Variants in ZFHX3 observed in about 807,000 individuals in gnomAD.
The protein encoded by ZFHX3 is zinc finger homeobox protein 3.
A neutral mutation model predicts 279.1 loss-of-function variants in ZFHX3; 42 were observed. The ratio of observed to expected loss-of-function variants is 0.15; its 90% confidence interval spans 0.12 to 0.19. ZFHX3 has a LOEUF of 0.19. Ranked by LOEUF, ZFHX3 falls within the 10% of genes least tolerant of loss-of-function variation. ZFHX3 has a pLI of 1.00. For synonymous variants in ZFHX3, 2,293 were observed against 1,957.8 expected (o/e 1.17, Z -4.52); for missense variants, 4,981 against 4,754.0 (o/e 1.05, Z -1.40).
intron 1 of ZFHX3, among the ~76,000 whole-genome samples, chr16:73,708,933 C>A (rs1292796965): frequency 1.3e-5 from 2 of 152,100 alleles, no homozygotes; most frequent in Admixed American, 1.3e-4. Context: ...TCCCATGATA[C>A]GTATTTATCT....
intron 4 of ZFHX3, among the ~76,000 whole-genome samples, chr16:72,852,405 C>T (rs1301247535): frequency 1.3e-5 from 2 of 152,188 alleles, no homozygotes; most frequent in Non-Finnish European, 2.9e-5. Context: ...CCTCAGAGAG[C>T]CTCCCTTGAG....
At chr16:73,875,325 A>T (rs1322833071) in intron 1 of ZFHX3, among the ~76,000 whole-genome samples, 2 of 152,198 alleles carry the variant, frequency 1.3e-5, no homozygotes, top group African/African-American at 4.8e-5. Flanking sequence ...TTATACAATT[A>T]ACTGCAAGAT....
At chr16:73,299,559 G>A (rs1040712931) in intron 4 of ZFHX3, among the ~76,000 whole-genome samples, 6 of 152,118 alleles carry the variant, frequency 3.9e-5, no homozygotes, top group African/African-American at 1.4e-4. Context: ...TCTTGATGAG[G>A]GGCAGGCCTG....
intron 1 of ZFHX3, among the ~76,000 whole-genome samples, chr16:73,773,108 GA>G (rs1284606814): frequency 1.3e-5 from 2 of 152,182 alleles, no homozygotes; most frequent in Non-Finnish European, 1.5e-5. Context: ...TAAATAAATG[GA>G]AATAAGACAA....
chr16:72,787,679 C>T lies in ZFHX3; in HGVS notation c.10597G>A (p.Ala3533Thr), dbSNP rs1334938749. ...GGGGGSYHCLACESALCGEEA... is the reference protein window; with the variant it reads ...GGGGGSYHCLTCESALCGEEA... ...TCCCCACAGAGCGCGCTCTCGCACG[C>T]CAGGCAGTGGTACGAGCCGCCGCCG... Residue 3533 changes from alanine to threonine, a missense_variant, in exon 10 of 10, where the codon GCG (alanine) becomes ACG (threonine). This residue lies in a region of ZFHX3 where 1,034 missense variants were observed against 786.0 expected (regional missense o/e 1.32). Transcript: ENST00000268489. 1.9e-6 allele frequency: 3 copies of T among 1,539,838 alleles called. No homozygotes were observed. Among genetic ancestry groups the T allele is most frequent in the Non-Finnish European group, 2.6e-6 (3 of 1,142,640 alleles).
intron 2 of ZFHX3, among the ~76,000 whole-genome samples, chr16:72,953,091 A>G (rs531380644): frequency 6.6e-6 from 1 of 152,222 alleles, no homozygotes; most frequent in African/African-American, 2.4e-5. Flanking sequence ...CTCGAGTGAT[A>G]AGATCAGTAC....
At chr16:73,529,128 A>G (rs151070047) in intron 2 of ZFHX3, among the ~76,000 whole-genome samples, 1 of 152,210 alleles carries the variant, frequency 6.6e-6, no homozygotes, top group Non-Finnish European at 1.5e-5. Context: ...CTTTGAAAAT[A>G]GAGTGAAATA....
intron 7 of ZFHX3, among the ~76,000 whole-genome samples, chr16:73,110,941 G>C (rs1194181054): frequency 6.6e-6 from 1 of 151,934 alleles, no homozygotes; most frequent in Admixed American, 6.6e-5. Context: ...ATGATTTTAT[G>C]ATTTTATGTT....
At chr16:73,872,254 T>G (rs1227692166) in intron 1 of ZFHX3, among the ~76,000 whole-genome samples, 1 of 152,096 alleles carries the variant, frequency 6.6e-6, no homozygotes, top group Non-Finnish European at 1.5e-5. Context: ...TGTTTTTTTT[T>G]TTTCTTTGAG....
At chr16:73,114,463 G>A (rs1244240639) in intron 7 of ZFHX3, among the ~76,000 whole-genome samples, 3 of 151,784 alleles carry the variant, frequency 2.0e-5, no homozygotes, top group Admixed American at 1.3e-4. Context: ...ATCACTTGAG[G>A]CCAGGAGTTT....
At chr16:73,811,894 A>G (rs1960437617) in intron 1 of ZFHX3, among the ~76,000 whole-genome samples, 1 of 152,194 alleles carries the variant, frequency 6.6e-6, no homozygotes, top group African/African-American at 2.4e-5. Context: ...ACCATCTCAG[A>G]ACACAACTCT....
At chr16:73,045,372 T>A (rs555905707) in intron 1 of ZFHX3, among the ~76,000 whole-genome samples, 1 of 152,338 alleles carries the variant, frequency 6.6e-6, no homozygotes, top group African/African-American at 2.4e-5. Context: ...GTCATAATGA[T>A]GAAAACTAAA....
intron 1 of ZFHX3, among the ~76,000 whole-genome samples, chr16:73,046,458 C>A (rs1965307339): frequency 6.6e-6 from 1 of 152,114 alleles, no homozygotes; most frequent in Non-Finnish European, 1.5e-5. Context: ...CTCGTGTCCT[C>A]CTCCAGCCCA....
At position 72,959,376 on chromosome 16, in the gene ZFHX3, G is replaced by A; in HGVS notation, c.770C>T (p.Ser257Phe). ...SDGSAKSSCVSKDVPNNVDLS... is the reference protein window; with the variant it reads ...SDGSAKSSCVFKDVPNNVDLS... ...GTCCACATTGTTGGGAACATCTTTG[G>A]ATACGCAGGAGCTTTTGGCAGAACC... The change falls in exon 2 of 10, where the codon TCC becomes TTC. Residue 257 changes from serine (S) to phenylalanine (F), a missense_variant. Ser to Phe is a radical substitution (Grantham distance 155). Around this residue, in one of 7 missense-constraint regions of ZFHX3, gnomAD observed 1,068 missense variants for 935.2 expected, o/e 1.14. Coordinates refer to ENST00000268489, the MANE Select transcript of ZFHX3 (RefSeq NM_006885.4). The A allele has an allele frequency of 1.2e-6, 2 of 1,614,216 alleles. No homozygotes were observed. Among genetic ancestry groups the A allele is most frequent in the South Asian group, 1.1e-5 (1 of 91,086 alleles).
At chr16:73,474,431 G>A (rs186400483) in intron 2 of ZFHX3, among the ~76,000 whole-genome samples, 2,568 of 152,268 alleles carry the variant, frequency 0.017, 24 homozygotes, top group Middle Eastern at 0.037. Context: ...TTACAGGCAT[G>A]AGCCACCGCA....
rs1396650085 is a variant in ZFHX3 at position 72,892,689 on chromosome 16, G to A, written c.3217-2727C>T. On this transcript the variant is annotated intron_variant, in intron 3 of 9. Transcript: ENST00000268489. ...CACCTAGCTAATTTTTGTATTTTTA[G>A]TAGAGACAGGGTTTCACCATGTTGG... Among the ~76,000 whole-genome samples the A allele has an allele frequency of 6.6e-5, 10 of 152,110 alleles. 1 individual carries two copies. The East Asian group carries it at 1.7e-3, about 26-fold the overall frequency.
chr16:73,155,689 G>A (rs1264601249), intron 5 of ZFHX3, among the ~76,000 whole-genome samples: 2 of 152,022 alleles, frequency 1.3e-5, no homozygotes, highest in Admixed American at 6.6e-5. Flanking sequence ...TGGGCATGGC[G>A]GCATGCGCAT....
At chr16:73,512,525 CAT>C (rs1491587916) in intron 2 of ZFHX3, among the ~76,000 whole-genome samples, 46 of 70,834 alleles carry the variant, frequency 6.5e-4, no homozygotes, top group African/African-American at 2.8e-3. Context: ...GTAATTAAAA[CAT>C]TTTTTTTTTA....
intron 3 of ZFHX3, among the ~76,000 whole-genome samples, chr16:72,912,015 T>A (rs1378358388): frequency 2.0e-5 from 3 of 152,162 alleles, no homozygotes; most frequent in Non-Finnish European, 4.4e-5. Context: ...AGCATTCCAT[T>A]CTAAGTAAAA....
Sources: gnomAD v4.1 joint callset for allele counts (sites outside exome capture counted in the v4.1 genomes callset) on GRCh38, gnomAD v4.1.1 for gene constraint, gnomAD v4.1.1 regional missense constraint, MANE v1.5 for transcripts, NCBI Gene and HGNC (gene_info 2026-07-23, HGNC 2026-07-21) for gene names.